Variants in BBOF1 observed in about 807,000 individuals in gnomAD.
BBOF1 encodes the protein basal body orientation factor 1.
Under a neutral mutation model 68.0 loss-of-function variants are expected in BBOF1, and 62 were observed. That is an observed-to-expected ratio of 0.91 (90% CI 0.74 to 1.13). The LOEUF is 1.13. BBOF1 is among the 50% of genes most tolerant of loss of function. BBOF1 has a pLI of 0.00. For missense variants in BBOF1, 534 were observed against 600.1 expected, an observed-to-expected ratio of 0.89 and a Z score of 1.15; for synonymous variants, 208 against 198.8, an observed-to-expected ratio of 1.05 and a Z score of -0.39.
Position 74,048,013 on chromosome 14 carries a change from A to G in BBOF1, c.731A>G (p.Asp244Gly). 6.2e-7 allele frequency: 1 copy of G among 1,613,370 alleles called. No individual in the cohort carries two copies. Among genetic ancestry groups the G allele is most frequent in the South Asian group, 1.1e-5 (1 of 90,862 alleles). ...CTGGCATATCACCTGAAGGAAACTG[A>G]CGCTCTACAAAAAAACTCCCAGAAG... ...KALAYHLKETDALQKNSQKLQ... is the reference protein window; with the variant it reads ...KALAYHLKETGALQKNSQKLQ... The change falls in exon 7 of 12, where the codon GAC becomes GGC. Residue 244 changes from aspartate to glycine, a missense_variant. Physicochemically the swap from Asp to Gly is moderately conservative, Grantham distance 94 (BLOSUM62 -1). Coordinates refer to ENST00000394009, the MANE Select transcript of BBOF1 (RefSeq NM_025057.3).
At chr14:74,049,468 C>A (rs183019149) in intron 7 of BBOF1, among the ~76,000 whole-genome samples, 9 of 152,120 alleles carry the variant, frequency 5.9e-5, no homozygotes, top group Admixed American at 5.9e-4. Flanking sequence ...TCGAGACCAG[C>A]CTGGCAAACA....
At chr14:74,044,289 G>A (rs921439557) in intron 5 of BBOF1, among the ~76,000 whole-genome samples, 4 of 151,070 alleles carry the variant, frequency 2.6e-5, no homozygotes, top group South Asian at 2.1e-4. Context: ...ATAATAAAAC[G>A]ACCTCCTCTA....
chr14:74,068,825 A>C, downstream of BBOF1: 1 of 1,612,484 alleles, frequency 6.2e-7, no homozygotes, highest in African/African-American at 1.3e-5. Context: ...TCATATATAG[A>C]ACAAAGATTG....
Position 74,066,000 on chromosome 14 carries a change from A to C in BBOF1, c.*1301A>C, listed in dbSNP as rs554324257. ...TGATTCACTATTATAGTAAGGATAT[A>C]TGAATTTCAAAAAATGCCTCATAAC... On this transcript the variant is annotated 3_prime_UTR_variant, in exon 12 of 12. Coordinates refer to ENST00000394009, the MANE Select transcript of BBOF1 (RefSeq NM_025057.3). 1.9e-5 allele frequency: 3 copies of C among 155,358 alleles called. No individual in the cohort carries two copies. The highest frequency in any genetic ancestry group is 4.3e-5 in the Non-Finnish European group (3 of 69,658). The allele number at this position is 155,358 out of a possible 1,614,324, so 9.6% of individuals were successfully genotyped here.
chr14:74,039,621 A>T (rs558807354), intron 4 of BBOF1, among the ~76,000 whole-genome samples: 1 of 149,974 alleles, frequency 6.7e-6, no homozygotes, highest in Non-Finnish European at 1.5e-5. Context: ...TATTTAGTAG[A>T]GACGGGGGTT....
chr14:74,055,540 C>T, intron 8 of BBOF1, 44 bp from the exon 9 acceptor site: 1 of 1,256,854 alleles, frequency 8.0e-7, no homozygotes, highest in Non-Finnish European at 1.2e-6. Flanking sequence ...GCCTATTTGA[C>T]CGTATTTTTC....
chr14:74,057,229 A>C lies in BBOF1; in HGVS notation c.1549A>C (p.Ile517Leu). Residue 517 changes from isoleucine to leucine, a missense_variant, in exon 11 of 12, where the codon ATT becomes CTT. Coordinates refer to ENST00000394009, the MANE Select transcript of BBOF1 (RefSeq NM_025057.3). The stretch of plus-strand genomic sequence containing the variant: ...TTCTGGTGAAGTGGTGCTACCCACT[A>C]TTCCAAAAGAACCTCAGGAGTCTGA... Reference protein sequence around the residue: ...DSSGEVVLPTIPKEPQESDTG... With the variant: ...DSSGEVVLPTLPKEPQESDTG... 2.5e-6 allele frequency: 4 copies of C among 1,614,138 alleles called. No homozygotes were observed. In the South Asian group the frequency reaches 4.4e-5, roughly 18 times the overall value.
chr14:74,069,106 T>TC (rs1555377100), downstream of BBOF1: 252 of 1,015,794 alleles, frequency 2.5e-4, no homozygotes, highest in East Asian at 4.5e-4. Flanking sequence ...TTTTTCTTTT[T>TC]TTTTTTTTTT....
intron 2 of BBOF1, among the ~76,000 whole-genome samples, chr14:74,024,334 T>TG (rs1343020837): frequency 6.6e-6 from 1 of 152,106 alleles, no homozygotes; most frequent in East Asian, 1.9e-4. Flanking sequence ...TGTGCACCTG[T>TG]AGTCCCAGCT....
rs2059336231 is a variant in BBOF1, at chr14:74,022,946, G to A, written c.87G>A (p.Val29=). The part of the protein sequence containing the change: ...KKLIKTDESV[V]DRAKANASLW... ...TAATAAAAACAGATGAATCTGTGGTGGACAGAGCCAAGGCCAATGCCTCCC... is the reference window on the plus strand; with the variant it reads ...TAATAAAAACAGATGAATCTGTGGTAGACAGAGCCAAGGCCAATGCCTCCC... The change falls in exon 2 of 12, where the codon GTG becomes GTA. Residue 29 remains valine (V), a synonymous_variant. Transcript: ENST00000394009. The A allele has an allele frequency of 3.7e-6, 6 of 1,612,632 alleles. No homozygotes were observed. Among genetic ancestry groups the A allele is most frequent in the Non-Finnish European group, 4.2e-6 (5 of 1,179,132 alleles).
chr14:74,021,205 T>G (rs2140933535), intron 1 of BBOF1, among the ~76,000 whole-genome samples: 1 of 152,248 alleles, frequency 6.6e-6, no homozygotes, highest in East Asian at 1.9e-4. Context: ...CAATAAATAT[T>G]TAGAAAAATC....
rs373121592 is a variant in BBOF1, at chr14:74,057,170, T to C, written c.1490T>C (p.Ile497Thr). ...FGDESKLQDK[I>T]FITQQIAISD... The stretch of plus-strand genomic sequence containing the variant: ...GATGAAAGTAAGCTTCAAGATAAAA[T>C]CTTCATCACCCAGCAAATTGCAATA... The change falls in exon 11 of 12, where the codon ATC (isoleucine) becomes ACC (threonine). Residue 497 changes from isoleucine (I) to threonine (T), a missense_variant. Physicochemically the swap from Ile to Thr is moderately conservative, Grantham distance 89. Transcript: ENST00000394009. The C allele has an allele frequency of 4.7e-5, 75 of 1,612,726 alleles. No homozygotes were observed. Among genetic ancestry groups the C allele is most frequent in the Non-Finnish European group, 5.7e-5 (67 of 1,179,090 alleles).
At position 74,055,586 on chromosome 14, in the gene BBOF1, C is replaced by A. The variant is rs781363476; in HGVS notation, c.1289C>A (p.Thr430Lys). The change falls in exon 9 of 12, where the codon ACA becomes AAA. Residue 430 changes from threonine to lysine, a missense_variant and splice_region_variant. Thr to Lys is a moderately conservative substitution (Grantham distance 78). Coordinates refer to ENST00000394009, the MANE Select transcript of BBOF1 (RefSeq NM_025057.3). ...NQDLLEAEKW[T>K]HIEGNVDIGD... is the part of the protein sequence containing the mutation. ...TTTTTTCCTTTGAAATTCTTTAGGA[C>A]ACATATTGAAGGAAATGTGGATATT... 9 of 1,607,360 alleles carry A rather than the reference C, an allele frequency of 5.6e-6. No individual in the cohort carries two copies. The African/African-American group carries it at 1.1e-4, about 19-fold the overall frequency.
chr14:74,049,974 G>A lies in BBOF1; in HGVS notation c.1065G>A (p.Glu355=). The A allele has an allele frequency of 1.2e-6, 2 of 1,614,182 alleles. No homozygotes were observed. Among genetic ancestry groups the A allele is most frequent in the Non-Finnish European group, 1.7e-6 (2 of 1,180,034 alleles). Residue 355 remains glutamate (E), a synonymous_variant, in exon 8 of 12, where the codon GAG becomes GAA. Coordinates refer to ENST00000394009, the MANE Select transcript of BBOF1 (RefSeq NM_025057.3). Reference sequence around the variant, plus strand: ...AGCTGGCCAAGAACATACTGGATGAGAGAACAGAAGTGGAAAGATTCTTTT... The same window carrying A: ...AGCTGGCCAAGAACATACTGGATGAAAGAACAGAAGTGGAAAGATTCTTTT... The part of the protein sequence containing the change: ...VKKLAKNILD[E]RTEVERFFLD...
chr14:74,079,802 C>G (rs748769671), intron 10 of BBOF1, among the ~76,000 whole-genome samples: 8 of 152,124 alleles, frequency 5.3e-5, no homozygotes, highest in Non-Finnish European at 1.2e-4. Context: ...CTCCTGGCCT[C>G]AAATGATCTG....
intron 3 of BBOF1, chr14:74,031,780 C>A (rs540341678): frequency 6.6e-6 from 1 of 152,218 alleles, no homozygotes; most frequent in Non-Finnish European, 1.5e-5. Flanking sequence ...TACCATCACA[C>A]TGGGGATTAG....
chr14:74,066,483 A>G (rs532040803), downstream of BBOF1, among the ~76,000 whole-genome samples: 1 of 152,308 alleles, frequency 6.6e-6, no homozygotes, highest in South Asian at 2.1e-4. Context: ...GGAAATATCT[A>G]TCCCTTTATG....
At chr14:74,071,639 G>C (rs934914631) in intron 9 of BBOF1, 5 of 1,550,846 alleles carry the variant, frequency 3.2e-6, no homozygotes, top group Non-Finnish European at 4.3e-6. Flanking sequence ...CCAAGTTAAG[G>C]GTTTGTGCAA....
downstream of BBOF1, chr14:74,068,825 A>T (rs746741651): frequency 1.1e-5 from 18 of 1,612,484 alleles, no homozygotes; most frequent in Non-Finnish European, 1.5e-5. Flanking sequence ...TCATATATAG[A>T]ACAAAGATTG....
Sources: allele counts gnomAD v4.1 joint callset (sites outside exome capture counted in the v4.1 genomes callset), GRCh38; gene constraint gnomAD v4.1.1; transcripts MANE v1.5; gene names NCBI Gene and HGNC (gene_info 2026-07-23, HGNC 2026-07-21).